NPR3: variants seen among roughly 807,000 people sequenced by gnomAD.
NPR3 encodes natriuretic peptide receptor 3.
Under a neutral mutation model 54.5 loss-of-function variants are expected in NPR3, and 34 were observed. The ratio of observed to expected loss-of-function variants is 0.62; its 90% CI spans 0.47 to 0.83. The LOEUF is 0.83. Ranked by LOEUF, NPR3 falls within the 40% of genes least tolerant of loss-of-function variation. The probability of loss-of-function intolerance (pLI) is 0.00; values close to 1 mark genes in which losing one functional copy is unlikely to be tolerated. For synonymous variants in NPR3, 289 were observed against 297.1 expected (o/e 0.97, Z 0.28); for missense variants, 674 against 720.8 (o/e 0.94, Z 0.74).
At chr5:32,708,471 G>T (rs1035546547), upstream of NPR3, among the ~76,000 whole-genome samples, 3 of 152,022 alleles carry the variant, frequency 2.0e-5, no homozygotes, top group African/African-American at 4.8e-5. Flanking sequence ...TTGATATAAA[G>T]AATGTTATTA....
chr5:32,747,744 A>T (rs1328921270), intron 3 of NPR3, among the ~76,000 whole-genome samples: 5 of 150,422 alleles, frequency 3.3e-5, no homozygotes, highest in African/African-American at 1.2e-4. Flanking sequence ...TTTGAAGAAG[A>T]AAGGAGGCAT....
chr5:32,776,920 G>A (rs1419392732), intron 4 of NPR3, among the ~76,000 whole-genome samples: 1 of 152,144 alleles, frequency 6.6e-6, no homozygotes, highest in African/African-American at 2.4e-5. Flanking sequence ...GAGTGAAGTT[G>A]AGTAGAGACC....
At chr5:32,724,410 G>C (rs1302141872) in intron 1 of NPR3, among the ~76,000 whole-genome samples, 1 of 152,162 alleles carries the variant, frequency 6.6e-6, no homozygotes, top group Non-Finnish European at 1.5e-5. Context: ...GCCACCTTCT[G>C]ATTAGATGTA....
chr5:32,759,652 G>T (rs537901524), intron 3 of NPR3, among the ~76,000 whole-genome samples: 2 of 152,224 alleles, frequency 1.3e-5, no homozygotes, highest in Admixed American at 6.5e-5. Flanking sequence ...TCATTATTAT[G>T]TTAGCTGGTT....
At chr5:32,707,270 C>G (rs1468722261), upstream of NPR3, among the ~76,000 whole-genome samples, 1 of 151,962 alleles carries the variant, frequency 6.6e-6, no homozygotes, top group African/African-American at 2.4e-5. Flanking sequence ...GCTGCAGCTT[C>G]TGATGAGATT....
rs547923008 is a variant in NPR3 at position 32,790,574 on chromosome 5, G to A, written c.*4229G>A. 6.0e-6 allele frequency: 1 copy of A among 166,570 alleles called. No homozygotes were observed. The highest frequency in any genetic ancestry group is 2.1e-4 in the South Asian group (1 of 4,822). The allele number at this position is 166,570 out of a possible 1,614,324, so 10.3% of individuals were successfully genotyped here. A position where few individuals can be genotyped will look rare whatever the true frequency, so the allele number is the denominator to read the frequency against. On this transcript the variant is annotated 3_prime_UTR_variant, in exon 8 of 8. Transcript: ENST00000265074. ...CTGTGATGTGCATAAACTCCAACAA[G>A]CCTGGCTTTGGTGTTCAGCATGCAC...
intron 2 of NPR3, among the ~76,000 whole-genome samples, chr5:32,737,705 C>T (rs1434700359): frequency 6.6e-6 from 1 of 152,110 alleles, no homozygotes; most frequent in African/African-American, 2.4e-5. Context: ...GCCACGTTTT[C>T]TTGAAAATAA....
At chr5:32,701,432 T>C (rs1382200616) in intron 1 of NPR3, among the ~76,000 whole-genome samples, 2 of 152,252 alleles carry the variant, frequency 1.3e-5, no homozygotes, top group Admixed American at 6.5e-5. Flanking sequence ...TTGGATTTCA[T>C]TGAGCTTCCT....
chr5:32,750,016 C>T (rs1436194761), intron 3 of NPR3, among the ~76,000 whole-genome samples: 1 of 152,160 alleles, frequency 6.6e-6, no homozygotes, highest in Non-Finnish European at 1.5e-5. Context: ...ACAGTGACTC[C>T]AATTCTAGAG....
intron 5 of NPR3, among the ~76,000 whole-genome samples, chr5:32,781,105 A>C (rs567846515): frequency 3.6e-4 from 55 of 151,720 alleles, no homozygotes; most frequent in African/African-American, 1.2e-3. Context: ...TCCTCCCTTA[A>C]GATTTGAGCT....
At chr5:32,776,323 G>A (rs561137661) in intron 4 of NPR3, among the ~76,000 whole-genome samples, 23 of 152,228 alleles carry the variant, frequency 1.5e-4, no homozygotes, top group African/African-American at 5.1e-4. Flanking sequence ...CCTATTGATG[G>A]TCACTTGTAA....
chr5:32,776,043 TC>T (rs1742028769), intron 4 of NPR3, among the ~76,000 whole-genome samples: 1 of 152,216 alleles, frequency 6.6e-6, no homozygotes, highest in Non-Finnish European at 1.5e-5. Flanking sequence ...TAGTCCCCTC[TC>T]CCCACTGTGT....
At chr5:32,763,747 A>T (rs1246560528) in intron 3 of NPR3, among the ~76,000 whole-genome samples, 2 of 151,782 alleles carry the variant, frequency 1.3e-5, no homozygotes, top group African/African-American at 4.8e-5. Context: ...AGTGTAGGTC[A>T]CCTCTCCAGC....
intron 3 of NPR3, among the ~76,000 whole-genome samples, chr5:32,762,889 G>T (rs1484496595): frequency 6.6e-6 from 1 of 152,156 alleles, no homozygotes; most frequent in Non-Finnish European, 1.5e-5. Flanking sequence ...TGGTGTTTTT[G>T]TCATGAAGTC....
intron 3 of NPR3, among the ~76,000 whole-genome samples, chr5:32,762,949 G>GT (rs1412946558): frequency 6.6e-6 from 1 of 152,132 alleles, no homozygotes; most frequent in Non-Finnish European, 1.5e-5. Flanking sequence ...TTCTTCTAGG[G>GT]TTTTTATAGT....
chr5:32,731,754 T>G (rs1189324653), intron 2 of NPR3, among the ~76,000 whole-genome samples: 2 of 152,176 alleles, frequency 1.3e-5, no homozygotes, highest in African/African-American at 4.8e-5. Flanking sequence ...AGGACCTCGG[T>G]GCATTAGGAA....
At chr5:32,708,010 AAAAAAAC>A (rs1378430448), upstream of NPR3, among the ~76,000 whole-genome samples, 44 of 149,786 alleles carry the variant, frequency 2.9e-4, no homozygotes, top group African/African-American at 1.1e-3. Context: ...AAAAAAAAAA[AAAAAAAC>A]AACCCAAACA....
intron 3 of NPR3, among the ~76,000 whole-genome samples, chr5:32,745,349 G>A (rs760549893): frequency 3.9e-5 from 6 of 152,274 alleles, no homozygotes; most frequent in East Asian, 1.9e-4. Flanking sequence ...CCAAGTACCC[G>A]CCTGGCCTTT....
At chr5:32,714,116 T>G (rs1306200200) in intron 1 of NPR3, among the ~76,000 whole-genome samples, 1 of 146,256 alleles carries the variant, frequency 6.8e-6, no homozygotes, top group Non-Finnish European at 1.5e-5. Context: ...CTTCTCCAGT[T>G]CTCGGCTTTC....
Sources: allele counts gnomAD v4.1 joint callset (sites outside exome capture counted in the v4.1 genomes callset), GRCh38; gene constraint gnomAD v4.1.1; transcripts MANE v1.5; gene names NCBI Gene and HGNC (gene_info 2026-07-23, HGNC 2026-07-21).